PRRC2B: variants seen among roughly 807,000 people sequenced by gnomAD.
The protein encoded by PRRC2B is protein PRRC2B.
Under a neutral mutation model 242.3 loss-of-function variants are expected in PRRC2B, and 68 were observed. The observed-to-expected ratio is 0.28, with a 90% CI of 0.23 to 0.34. The LOEUF (loss-of-function observed/expected upper bound fraction) is 0.34. Ranked by LOEUF, PRRC2B falls within the 10% of genes least tolerant of loss-of-function variation. The pLI is 1.00. For synonymous variants in PRRC2B, 1,228 were observed against 1,173.6 expected (o/e 1.05, Z -0.95); for missense variants, 2,835 against 2,954.8 (o/e 0.96, Z 0.94).
chr9:131,387,240 A>T (rs1009155789), intron 1 of PRRC2B, among the ~76,000 whole-genome samples: 1 of 150,148 alleles, frequency 6.7e-6, no homozygotes, highest in Non-Finnish European at 1.5e-5. Context: ...ATCTCAGGTG[A>T]TCCGCCCGTC....
chr9:131,399,355 G>A (rs1837160718), intron 1 of PRRC2B, among the ~76,000 whole-genome samples: 1 of 151,430 alleles, frequency 6.6e-6, no homozygotes, highest in Non-Finnish European at 1.5e-5. Flanking sequence ...TGAGGTGGGC[G>A]GATCACGAGG....
chr9:131,478,633 G>T lies in PRRC2B; in HGVS notation c.4758+14G>T. 6.6e-7 allele frequency: 1 copy of T among 1,518,544 alleles called. No homozygotes were observed. Among genetic ancestry groups the T allele is most frequent in the South Asian group, 1.1e-5 (1 of 88,228 alleles). 94.1% of individuals were successfully genotyped at this position (1,518,544 alleles called of 1,614,324 possible). On this transcript the variant is annotated intron_variant, in intron 18 of 31. Transcript: ENST00000683519. The stretch of plus-strand genomic sequence containing the variant: ...CAGGCCGTGCAGGTGAGGGGCGGAG[G>T]GTGGGGGGGCATGGGGCTGGAGGGC...
intron 1 of PRRC2B, among the ~76,000 whole-genome samples, chr9:131,408,348 G>A (rs145895177): frequency 5.6e-4 from 86 of 152,378 alleles, no homozygotes; most frequent in Non-Finnish European, 1.0e-3. Flanking sequence ...ATGTACTGGA[G>A]TGTTGGTTGT....
chr9:131,482,981 G>A lies in PRRC2B; in HGVS notation c.5373+74G>A, dbSNP rs1490888336. ...GGTACTTGGAGAGGCTGGGGGCTCA[G>A]ATGGGATTGTCTCCTAGAAGGAATA... On this transcript the variant is annotated intron_variant, in intron 22 of 31. Transcript: ENST00000683519. The surrounding 1 kb of genome is among the most constrained non-coding windows in gnomAD (Gnocchi z 5.2). 4.0e-6 allele frequency: 6 copies of A among 1,504,012 alleles called. No individual in the cohort carries two copies. In the African/African-American group the frequency reaches 4.2e-5, roughly 10 times the overall value. 93.2% of individuals were successfully genotyped at this position (1,504,012 alleles called of 1,614,324 possible). A position where few individuals can be genotyped will look rare whatever the true frequency, so the allele number is the denominator to read the frequency against.
chr9:131,442,413 A>G (rs1396243869), intron 5 of PRRC2B, among the ~76,000 whole-genome samples: 1 of 151,650 alleles, frequency 6.6e-6, no homozygotes. Context: ...ACCATAATGA[A>G]GCGACTCTGA....
rs778173094 is a variant in PRRC2B at position 131,482,739 on chromosome 9, G to A, written c.5205G>A (p.Lys1735=). The change falls in exon 22 of 32, where the codon AAG becomes AAA. Residue 1735 remains lysine (K), a synonymous_variant. Transcript: ENST00000683519. This position sits in a 1 kb window ranked among gnomAD's most constrained non-coding sequence, Gnocchi z 5.2. ...KDSEQGSGQS[K]EHRPGPIGNE... is the part of the protein sequence containing the mutation. Reference sequence around the variant, plus strand: ...CAGAACAAGGCTCTGGACAGAGCAAGGAGCACAGACCAGGACCCATCGGCA... The same window carrying A: ...CAGAACAAGGCTCTGGACAGAGCAAAGAGCACAGACCAGGACCCATCGGCA... 94 of 1,605,806 alleles carry A rather than the reference G, an allele frequency of 5.9e-5. No individual in the cohort carries two copies. The highest frequency in any genetic ancestry group is 7.7e-5 in the Non-Finnish European group (91 of 1,176,590).
intron 3 of PRRC2B, among the ~76,000 whole-genome samples, chr9:131,435,417 C>A (rs1838322408): frequency 6.6e-6 from 1 of 152,082 alleles, no homozygotes; most frequent in African/African-American, 2.4e-5. Context: ...GAGTTCAAGA[C>A]TGGCCTGGCC....
chr9:131,459,280 G>T lies in PRRC2B; in HGVS notation c.1328G>T (p.Arg443Leu). 1 of 1,613,954 alleles carries T rather than the reference G, an allele frequency of 6.2e-7. No individual in the cohort carries two copies. Among genetic ancestry groups the T allele is most frequent in the Non-Finnish European group, 8.5e-7 (1 of 1,179,876 alleles). Residue 443 changes from arginine to leucine, a missense_variant, in exon 11 of 32, where the codon CGT becomes CTT. Around this residue, in one of 7 missense-constraint regions of PRRC2B, gnomAD observed 626 missense variants for 685.5 expected, o/e 0.91. Coordinates refer to ENST00000683519, the MANE Select transcript of PRRC2B (RefSeq NM_013318.4). ...KDWAEAVGASRVVRKAPDPQP... is the reference protein window; with the variant it reads ...KDWAEAVGASLVVRKAPDPQP... ...TGGGCTGAAGCAGTGGGTGCGTCCC[G>T]TGTGGTCCGAAAGGCGCCAGACCCT... is the stretch of plus-strand genomic sequence containing the variant.
At chr9:131,489,889 G>C (rs1258620655) in intron 28 of PRRC2B, among the ~76,000 whole-genome samples, 1 of 151,966 alleles carries the variant, frequency 6.6e-6, no homozygotes, top group Non-Finnish European at 1.5e-5. Flanking sequence ...CAGTTTCCAG[G>C]CCGTCGCTCC....
At chr9:131,445,284 C>T (rs1838761737) in intron 6 of PRRC2B, among the ~76,000 whole-genome samples, 1 of 152,134 alleles carries the variant, frequency 6.6e-6, no homozygotes, top group African/African-American at 2.4e-5. Context: ...CCTCAGGCTC[C>T]CGAGTAGCTG....
chr9:131,402,646 C>T (rs1197320821), intron 1 of PRRC2B, among the ~76,000 whole-genome samples: 1 of 152,066 alleles, frequency 6.6e-6, no homozygotes, highest in Non-Finnish European at 1.5e-5. Flanking sequence ...CTTATAGGAG[C>T]CCACGCAGAA....
chr9:131,461,233 T>C (rs1344876441), intron 11 of PRRC2B, among the ~76,000 whole-genome samples: 1 of 152,210 alleles, frequency 6.6e-6, no homozygotes, highest in Admixed American at 6.5e-5. Flanking sequence ...CCCACTCAGA[T>C]GTCATTGTCC....
Position 131,482,971 on chromosome 9 carries a change from TG to T in PRRC2B, c.5373+69del, listed in dbSNP as rs1564299962. 2 of 1,531,570 alleles carry T rather than the reference TG, an allele frequency of 1.3e-6. No individual in the cohort carries two copies. The highest frequency in any genetic ancestry group is 8.8e-7 in the Non-Finnish European group (1 of 1,130,160). The allele number at this position is 1,531,570 out of a possible 1,614,324, so 94.9% of individuals were successfully genotyped here. ...TTTTTATTTTGGTACTTGGAGAGGC[TG>T]GGGGCTCAGATGGGATTGTCTCCTA... On this transcript the variant is annotated intron_variant, in intron 22 of 31. Transcript: ENST00000683519. The surrounding 1 kb of genome is among the most constrained non-coding windows in gnomAD (Gnocchi z 5.2).
chr9:131,473,620 A>T lies in PRRC2B; in HGVS notation c.2220A>T (p.Ser740=), dbSNP rs756706965. 56 of 1,613,162 alleles carry T rather than the reference A, an allele frequency of 3.5e-5. No individual in the cohort carries two copies. Among genetic ancestry groups the T allele is most frequent in the Non-Finnish European group, 4.7e-5 (55 of 1,179,696 alleles). The change falls in exon 15 of 32, where the codon TCA becomes TCT. Residue 740 remains serine (S), a synonymous_variant. Coordinates refer to ENST00000683519, the MANE Select transcript of PRRC2B (RefSeq NM_013318.4). ...AAAGAAAAGTGACCCCCATCGACTC[A>T]CCCCCTGTGTGGAGCCCAGAGGGCT... ...LQERKVTPID[S]PPVWSPEGYM...
chr9:131,429,503 C>A (rs1225109131), intron 1 of PRRC2B, among the ~76,000 whole-genome samples: 2 of 152,168 alleles, frequency 1.3e-5, no homozygotes, highest in African/African-American at 4.8e-5. Flanking sequence ...TTAGAGAGCC[C>A]TTTTGTTGCC....
At chr9:131,388,086 T>G (rs888453918) in intron 1 of PRRC2B, among the ~76,000 whole-genome samples, 3 of 149,082 alleles carry the variant, frequency 2.0e-5, no homozygotes, top group Non-Finnish European at 4.5e-5. Flanking sequence ...GGCTGAGGCA[T>G]GAGAATCATT....
At chr9:131,480,375 C>G (rs1943823101) in intron 19 of PRRC2B, among the ~76,000 whole-genome samples, 1 of 152,338 alleles carries the variant, frequency 6.6e-6, no homozygotes, top group South Asian at 2.1e-4. Context: ...ACATCAATAA[C>G]ACTACATTTG....
At chr9:131,479,574 C>T (rs1234951572) in intron 19 of PRRC2B, among the ~76,000 whole-genome samples, 181 bp downstream of exon 19, 1 of 146,282 alleles carries the variant, frequency 6.8e-6, no homozygotes, top group African/African-American at 2.5e-5. Flanking sequence ...TTTGCTGCTG[C>T]AACCCCCAAA....
chr9:131,410,922 T>C (rs1404407889), intron 1 of PRRC2B, among the ~76,000 whole-genome samples: 2 of 152,310 alleles, frequency 1.3e-5, no homozygotes, highest in African/African-American at 4.8e-5. Context: ...TCATTTTTTT[T>C]CGTTAGGAAT....
Sources: allele counts gnomAD v4.1 joint callset (sites outside exome capture counted in the v4.1 genomes callset), GRCh38; gene constraint gnomAD v4.1.1; regional missense constraint gnomAD v4.1.1; non-coding constraint Gnocchi (gnomAD v3.1); transcripts MANE v1.5; gene names NCBI Gene and HGNC (gene_info 2026-07-23, HGNC 2026-07-21).